Variants in INTS8 observed in about 807,000 individuals in gnomAD.
INTS8 encodes protein kaonashi-1.
A neutral mutation model predicts 138.9 loss-of-function variants in INTS8; 47 were observed. That is an observed-to-expected ratio of 0.34 (90% CI 0.27 to 0.43). The LOEUF (loss-of-function observed/expected upper bound fraction) is 0.43, where lower values mean the gene tolerates loss of function less well. Among genes scored for constraint, INTS8 ranks in the 20% least tolerant of loss-of-function variants. The pLI is 1.00. For missense variants in INTS8, 996 were observed against 1,173.0 expected (o/e 0.85, Z 2.20); for synonymous variants, 392 against 400.9 (o/e 0.98, Z 0.27).
intron 6 of INTS8, among the ~76,000 whole-genome samples, chr8:94,835,359 T>C (rs1429876678): frequency 6.6e-6 from 1 of 152,220 alleles, no homozygotes; most frequent in Non-Finnish European, 1.5e-5. Context: ...GGTGTCAATA[T>C]AAGCTTTTTG....
At position 94,849,540 on chromosome 8, in the gene INTS8, CCTTT is replaced by C; in HGVS notation, c.1331+13_1331+16del. Reference sequence around the variant, plus strand: ...CATGGCTGCTTTTCTAAAGTAAGTACCTTTCTTTTCTTTTTTCTTTTTTTTTTTA... The same window carrying C: ...CATGGCTGCTTTTCTAAAGTAAGTACCTTTTCTTTTTTCTTTTTTTTTTTA... On this transcript the variant is annotated intron_variant, in intron 11 of 26. Coordinates refer to ENST00000523731, the MANE Select transcript of INTS8 (RefSeq NM_017864.4). The C allele has an allele frequency of 6.8e-7, 1 of 1,476,730 alleles. No homozygotes were observed. Among genetic ancestry groups the C allele is most frequent in the Non-Finnish European group, 9.2e-7 (1 of 1,083,812 alleles). The allele number at this position is 1,476,730 out of a possible 1,614,324, so 91.5% of individuals were successfully genotyped here.
chr8:94,859,830 G>A (rs891335204), intron 16 of INTS8, 198 bp downstream of exon 16: 3 of 505,322 alleles, frequency 5.9e-6, no homozygotes, highest in African/African-American at 1.9e-5. Flanking sequence ...CTAATGCCCT[G>A]TAATTCATGA....
At chr8:94,853,513 C>G (rs1311106525) in intron 13 of INTS8, among the ~76,000 whole-genome samples, 1 of 152,114 alleles carries the variant, frequency 6.6e-6, no homozygotes, top group African/African-American at 2.4e-5. Flanking sequence ...CATAATAGTA[C>G]TTACCTTGAT....
At chr8:94,859,707 G>A (rs1815882715) in intron 16 of INTS8, 75 bp downstream of exon 16, 1 of 1,195,770 alleles carries the variant, frequency 8.4e-7, no homozygotes, top group Admixed American at 2.2e-5. Flanking sequence ...TACTACTTTG[G>A]GAACTTGTCT....
At chr8:94,836,167 G>C (rs969144963) in intron 6 of INTS8, among the ~76,000 whole-genome samples, 37 of 152,152 alleles carry the variant, frequency 2.4e-4, no homozygotes, top group African/African-American at 8.9e-4. Context: ...GGTCCGGGTG[G>C]CTATGGGTGA....
In INTS8 at chr8:94,828,989, A is replaced by C. The variant is rs1814613007; in HGVS notation, c.533A>C (p.Gln178Pro). 2 of 1,598,688 alleles carry C rather than the reference A, an allele frequency of 1.3e-6. No homozygotes were observed. The highest frequency in any genetic ancestry group is 1.7e-6 in the Non-Finnish European group (2 of 1,171,138). Residue 178 changes from glutamine to proline, a missense_variant, in exon 5 of 27, where the codon CAA becomes CCA. Transcript: ENST00000523731. ...TTCTCTTTTAGTATGAATCAAATGC[A>C]ACAGGAAAAAGAGCTAACAGAAAAC... is the stretch of plus-strand genomic sequence containing the variant. ...PPQLSVMNQM[Q>P]QEKELTENIL...
At chr8:94,826,471 A>G (rs1189681598) in intron 2 of INTS8, among the ~76,000 whole-genome samples, 2 of 152,140 alleles carry the variant, frequency 1.3e-5, no homozygotes, top group East Asian at 1.9e-4. Flanking sequence ...AGGGGAAGCT[A>G]TACGTTATAG....
Position 94,880,833 on chromosome 8 carries a change from G to T in INTS8, c.*599G>T. 1 of 398,476 alleles carries T rather than the reference G, an allele frequency of 2.5e-6. No homozygotes were observed. The allele number at this position is 398,476 out of a possible 1,614,324, so 24.7% of individuals were successfully genotyped here. On this transcript the variant is annotated 3_prime_UTR_variant, in exon 27 of 27. Coordinates refer to ENST00000523731, the MANE Select transcript of INTS8 (RefSeq NM_017864.4). ...CTTCCTCATATAAATAGTTTGAAAGGGTACTTAAGTTTTTCACCCAAATTG... is the reference window on the plus strand; with the variant it reads ...CTTCCTCATATAAATAGTTTGAAAGTGTACTTAAGTTTTTCACCCAAATTG...
intron 10 of INTS8, among the ~76,000 whole-genome samples, chr8:94,843,620 TATG>T (rs1381531324): frequency 6.6e-6 from 1 of 152,160 alleles, no homozygotes; most frequent in African/African-American, 2.4e-5. Flanking sequence ...TCTTCAGTCT[TATG>T]ATGGGGGACA....
Position 94,838,615 on chromosome 8 carries a change from T to C in INTS8, c.1014T>C (p.Tyr338=), listed in dbSNP as rs1335549161. 6 of 1,612,352 alleles carry C rather than the reference T, an allele frequency of 3.7e-6. No individual in the cohort carries two copies. The African/African-American group carries it at 5.3e-5, about 14-fold the overall frequency. ...QVHICLRSGN[Y]QEVIQIFIED... is the part of the protein sequence containing the mutation. Reference sequence around the variant, plus strand: ...ATATTTGTTTGAGATCTGGCAACTATCAGGTAAGGTGTATGAGGGGGATGC... The same window carrying C: ...ATATTTGTTTGAGATCTGGCAACTACCAGGTAAGGTGTATGAGGGGGATGC... The change falls in exon 8 of 27, where the codon TAT becomes TAC. Residue 338 remains tyrosine (Y), a synonymous_variant. Transcript: ENST00000523731.
Position 94,867,323 on chromosome 8 carries a change from A to C in INTS8, c.2400A>C (p.Pro800=). The C allele has an allele frequency of 6.2e-7, 1 of 1,611,344 alleles. No individual in the cohort carries two copies. Among genetic ancestry groups the C allele is most frequent in the Non-Finnish European group, 8.5e-7 (1 of 1,178,158 alleles). ...CAGCTGAACACATTTCTATTTGGCCATCTTCCATTCCCAAGTAAGTAGTGG... is the reference window on the plus strand; with the variant it reads ...CAGCTGAACACATTTCTATTTGGCCCTCTTCCATTCCCAAGTAAGTAGTGG... ...DITAEHISIW[P]SSIPNLQSVD... Residue 800 remains proline, a synonymous_variant, in exon 20 of 27, where the codon CCA becomes CCC. Coordinates refer to ENST00000523731, the MANE Select transcript of INTS8 (RefSeq NM_017864.4).
intron 20 of INTS8, among the ~76,000 whole-genome samples, chr8:94,869,726 T>G (rs760881938): frequency 6.6e-6 from 1 of 151,912 alleles, no homozygotes; most frequent in Non-Finnish European, 1.5e-5. Flanking sequence ...CTCCTGACCT[T>G]GTGATCTGCC....
chr8:94,836,566 A>G lies in INTS8; in HGVS notation c.796A>G (p.Thr266Ala). The part of the protein sequence containing the change: ...LGAAYFQQGS[T>A]NSAVYENARE... ...CGCAGCATACTTCCAGCAAGGCTCC[A>G]CAAATTCAGCTGTCTATGAAAATGC... The change falls in exon 7 of 27, where the codon ACA becomes GCA. Residue 266 changes from threonine (T) to alanine (A), a missense_variant. Thr to Ala is a moderately conservative substitution (Grantham distance 58, BLOSUM62 0). Transcript: ENST00000523731. The G allele has an allele frequency of 6.2e-7, 1 of 1,614,118 alleles. No individual in the cohort carries two copies. The highest frequency in any genetic ancestry group is 8.5e-7 in the Non-Finnish European group (1 of 1,179,992).
chr8:94,873,656 C>T, intron 22 of INTS8, 179 bp downstream of exon 22: 1 of 543,932 alleles, frequency 1.8e-6, no homozygotes. Flanking sequence ...CTATTGCTGT[C>T]TTGATTCCCC....
At position 94,861,507 on chromosome 8, in the gene INTS8, C is replaced by T. The variant is rs532572513; in HGVS notation, c.2076+1875C>T. On this transcript the variant is annotated intron_variant, in intron 16 of 26. Coordinates refer to ENST00000523731, the MANE Select transcript of INTS8 (RefSeq NM_017864.4). ...CAATCTCCTGACCTCGTGATCTGCC[C>T]GCCTTGGCCTCCCAAAGTGCTGGGA... Among the ~76,000 whole-genome samples the T allele has an allele frequency of 1.1e-4, 16 of 152,010 alleles. No homozygotes were observed. In the South Asian group the frequency reaches 1.7e-3, roughly 16 times the overall value.
At chr8:94,867,244 T>G (rs1816211888) in intron 19 of INTS8, 32 bp from the exon 20 acceptor site, 2 of 1,600,960 alleles carry the variant, frequency 1.2e-6, no homozygotes, top group East Asian at 2.2e-5. Flanking sequence ...GAAATTTCTT[T>G]GTAAATCACA....
rs765194481 is a variant in INTS8, at chr8:94,856,879, G to T, written c.1855G>T (p.Asp619Tyr). 1 of 1,614,080 alleles carries T rather than the reference G, an allele frequency of 6.2e-7. No individual in the cohort carries two copies. The highest frequency in any genetic ancestry group is 1.1e-5 in the South Asian group (1 of 91,076). The change falls in exon 15 of 27, where the codon GAT becomes TAT. Residue 619 changes from aspartate (D) to tyrosine (Y), a missense_variant. Asp to Tyr is a radical substitution (Grantham distance 160). Transcript: ENST00000523731. ...QVMLNEMLLL[D>Y]IHTHEAGTGQ... ...CATGCTGAATGAGATGTTGCTTTTGGATATTCATACACACGAAGCTGGGAC... is the reference window on the plus strand; with the variant it reads ...CATGCTGAATGAGATGTTGCTTTTGTATATTCATACACACGAAGCTGGGAC...
chr8:94,826,901 G>A (rs542823579), intron 2 of INTS8, among the ~76,000 whole-genome samples: 4 of 152,218 alleles, frequency 2.6e-5, no homozygotes, highest in African/African-American at 9.6e-5. Flanking sequence ...GTCAGGAGAT[G>A]GAGACCATCC....
At chr8:94,865,348 A>T in intron 16 of INTS8, among the ~76,000 whole-genome samples, 158 bp from the exon 17 acceptor site, 1 of 152,170 alleles carries the variant, frequency 6.6e-6, no homozygotes, top group Non-Finnish European at 1.5e-5. Flanking sequence ...AATGAGCCCT[A>T]AATTCCTCAA....
Sources: gnomAD v4.1 joint callset for allele counts (sites outside exome capture counted in the v4.1 genomes callset) on GRCh38, gnomAD v4.1.1 for gene constraint, MANE v1.5 for transcripts, NCBI Gene and HGNC (gene_info 2026-07-23, HGNC 2026-07-21) for gene names.